The following MED24 variants were observed in gnomAD, a reference collection of about 807,000 sequenced individuals.
MED24 encodes the protein mediator of RNA polymerase II transcription subunit 24.
Under a neutral mutation model 118.8 loss-of-function variants are expected in MED24, and 74 were observed. The observed-to-expected ratio is 0.62, with a 90% confidence interval of 0.52 to 0.76. The LOEUF (loss-of-function observed/expected upper bound fraction) is 0.76. Ranked by LOEUF, MED24 falls within the 30% of genes least tolerant of loss-of-function variation. The probability of loss-of-function intolerance (pLI) is 0.00; values close to 1 mark genes in which losing one functional copy is unlikely to be tolerated. For missense variants in MED24, 1,041 were observed against 1,278.9 expected (o/e 0.81, Z 2.84); for synonymous variants, 521 against 523.9 (o/e 0.99, Z 0.08).
chr17:40,021,882 A>C, intron 23 of MED24, 73 bp downstream of exon 23: 1 of 1,115,038 alleles, frequency 9.0e-7, no homozygotes, highest in Non-Finnish European at 1.3e-6. Context: ...CAGCTGGGGC[A>C]GCGGCAGAGT....
chr17:40,030,107 A>T (rs573983433), intron 12 of MED24, among the ~76,000 whole-genome samples: 1 of 152,104 alleles, frequency 6.6e-6, no homozygotes, highest in East Asian at 1.9e-4. Flanking sequence ...ATCTCGGCTC[A>T]CTGCAGCCTC....
intron 13 of MED24, among the ~76,000 whole-genome samples, chr17:40,029,256 T>A (rs1568161942): frequency 6.6e-6 from 1 of 152,204 alleles, no homozygotes; most frequent in Non-Finnish European, 1.5e-5. Context: ...TGGAGTGCAG[T>A]GGTGCGATCT....
chr17:40,024,916 A>C (rs947204346), intron 19 of MED24, among the ~76,000 whole-genome samples: 2 of 151,838 alleles, frequency 1.3e-5, no homozygotes, highest in Non-Finnish European at 2.9e-5. Flanking sequence ...TTATATTTTT[A>C]GTAAGGCCAA....
intron 3 of MED24, among the ~76,000 whole-genome samples, chr17:40,053,021 C>G (rs1986009393): frequency 6.6e-6 from 1 of 152,146 alleles, no homozygotes; most frequent in Admixed American, 6.5e-5. Context: ...GCAGTCTCGA[C>G]CTCCCAGGGC....
chr17:40,020,429 A>G (rs763074672), intron 23 of MED24, 76 bp from the exon 24 acceptor site: 2 of 1,550,174 alleles, frequency 1.3e-6, no homozygotes, highest in Non-Finnish European at 1.7e-6. Context: ...GGATGCCCCA[A>G]CCCGACCTTC....
intron 15 of MED24, 104 bp from the exon 16 acceptor site, chr17:40,027,569 G>A: frequency 9.1e-7 from 1 of 1,093,414 alleles, no homozygotes; most frequent in Non-Finnish European, 1.3e-6. Flanking sequence ...CAGGGACCAA[G>A]TGGCTCCTTC....
At position 40,031,636 on chromosome 17, in the gene MED24, A is replaced by G. The variant is rs781078444; in HGVS notation, c.985-16T>C. On this transcript the variant is annotated splice_polypyrimidine_tract_variant and intron_variant, in intron 10 of 25. Transcript: ENST00000394128. ...CAGTGAAGTCCTAGAAAGAGGCAGA[A>G]GTGTCCATCTGGTTTCCAGGGCCAC... 6.2e-7 allele frequency: 1 copy of G among 1,611,760 alleles called. No individual in the cohort carries two copies. Among genetic ancestry groups the G allele is most frequent in the East Asian group, 2.2e-5 (1 of 44,864 alleles).
In MED24 at chr17:40,019,975, A is replaced by G. The variant is rs1392243740; in HGVS notation, c.2705-42T>C. ...GAGAGTGACAGGAGGGAGTTCCATG[A>G]GAGTGGGTGAGGTCACACTCTGGGA... On this transcript the variant is annotated intron_variant, in intron 24 of 25. Coordinates refer to ENST00000394128, the MANE Select transcript of MED24 (RefSeq NM_014815.4). 8 of 1,548,180 alleles carry G rather than the reference A, an allele frequency of 5.2e-6. No homozygotes were observed. In the Middle Eastern group the frequency reaches 8.4e-4, roughly 162 times the overall value.
chr17:40,032,619 C>G (rs774293946), intron 9 of MED24, 30 bp downstream of exon 9: 34 of 1,557,726 alleles, frequency 2.2e-5, no homozygotes, highest in Non-Finnish European at 1.8e-6. Context: ...CATTCCTAGA[C>G]TGGCTCTGCC....
intron 3 of MED24, among the ~76,000 whole-genome samples, chr17:40,046,412 T>C (rs2144979169): frequency 6.7e-6 from 1 of 148,954 alleles, no homozygotes; most frequent in Middle Eastern, 3.4e-3. Flanking sequence ...AAAAAAAATA[T>C]ATATGTGTCA....
At chr17:40,027,174 C>G in intron 16 of MED24, 140 bp from the exon 17 acceptor site, 3 of 1,200,752 alleles carry the variant, frequency 2.5e-6, no homozygotes, top group Non-Finnish European at 3.5e-6. Context: ...TCTAAGGGAG[C>G]CAGACGGGGG....
chr17:40,029,141 A>G (rs2144893860), intron 13 of MED24, 173 bp from the exon 14 acceptor site: 1 of 821,584 alleles, frequency 1.2e-6, no homozygotes. Context: ...CATCCCTCTC[A>G]TCTACACTGG....
intron 23 of MED24, chr17:40,020,653 G>A: frequency 2.4e-6 from 1 of 409,404 alleles, no homozygotes; most frequent in Admixed American, 3.2e-5. Context: ...TGGGTGTGGT[G>A]CCAACGCCTG....
rs1984191123 is a variant in MED24 at position 40,038,421 on chromosome 17, G to A, written c.214-2267C>T. Among the ~76,000 whole-genome samples the A allele has an allele frequency of 2.0e-5, 3 of 151,992 alleles. No homozygotes were observed. The South Asian group carries it at 6.2e-4, about 32-fold the overall frequency. The stretch of plus-strand genomic sequence containing the variant: ...GTGGAAGCCTCCAAAGATTTAAGAA[G>A]AAAGCTGTCGGCCGGGTGCAGTCGC... On this transcript the variant is annotated intron_variant, in intron 3 of 25. Transcript: ENST00000394128.
Position 40,053,986 on chromosome 17 carries a change from C to T in MED24, c.-37-351G>A, listed in dbSNP as rs1986096943. On this transcript the variant is annotated intron_variant, in intron 1 of 25. Transcript: ENST00000394128. ...TCTCCACTAAAAATACAAAATTAGC[C>T]GGGCTTGGTGGTGCATGCCTGTAAT... 1.1e-5 allele frequency: 4 copies of T among 356,156 alleles called. No individual in the cohort carries two copies. In the South Asian group the frequency reaches 1.4e-4, roughly 12 times the overall value. The allele number at this position is 356,156 out of a possible 1,614,324, so 22.1% of individuals were successfully genotyped here. A position where few individuals can be genotyped will look rare whatever the true frequency, so the allele number is the denominator to read the frequency against.
chr17:40,032,005 T>C, intron 10 of MED24, 38 bp downstream of exon 10: 1 of 1,605,288 alleles, frequency 6.2e-7, no homozygotes, highest in Non-Finnish European at 8.5e-7. Flanking sequence ...TTTGCCCTTA[T>C]TTCTGCTCCC....
Position 40,019,264 on chromosome 17 carries a change from C to A in MED24, c.*265G>T. The A allele has an allele frequency of 2.0e-6, 1 of 490,294 alleles. No individual in the cohort carries two copies. The highest frequency in any genetic ancestry group is 3.6e-6 in the Non-Finnish European group (1 of 275,170). The allele number at this position is 490,294 out of a possible 1,614,324, so 30.4% of individuals were successfully genotyped here. ...AAGACTACTCCTGGGCTGGGGCGGG[C>A]GCACACAGGGGTGACCACTGGGCTT... On this transcript the variant is annotated 3_prime_UTR_variant, in exon 26 of 26. Transcript: ENST00000394128.
intron 13 of MED24, among the ~76,000 whole-genome samples, chr17:40,029,324 A>G (rs1407494958): frequency 6.6e-6 from 1 of 152,072 alleles, no homozygotes; most frequent in Non-Finnish European, 1.5e-5. Flanking sequence ...TCAGCCTCCC[A>G]AGTAACTGGG....
At chr17:40,031,741 G>A in intron 10 of MED24, 121 bp from the exon 11 acceptor site, 1 of 943,674 alleles carries the variant, frequency 1.1e-6, no homozygotes, top group Non-Finnish European at 1.6e-6. Flanking sequence ...CCTGGAGCCT[G>A]GGTGTATGTT....
Sources: allele counts gnomAD v4.1 joint callset (sites outside exome capture counted in the v4.1 genomes callset), GRCh38; gene constraint gnomAD v4.1.1; transcripts MANE v1.5; gene names NCBI Gene and HGNC (gene_info 2026-07-23, HGNC 2026-07-21).